PREP: variants seen among roughly 807,000 people sequenced by gnomAD.
PREP encodes the protein prolyl endopeptidase.
PREP carries 29 observed loss-of-function variants against 87.6 expected under a neutral mutation model. That is an observed-to-expected ratio of 0.33 (90% CI 0.25 to 0.45). PREP has a LOEUF of 0.45. Among genes scored for constraint, PREP ranks in the 20% least tolerant of loss-of-function variants. PREP has a pLI of 1.00. For synonymous variants in PREP, 337 were observed against 328.6 expected, an observed-to-expected ratio of 1.03 and a Z score of -0.28; for missense variants, 695 against 886.5, an observed-to-expected ratio of 0.78 and a Z score of 2.74.
At chr6:105,365,551 A>C (rs1772363945) in intron 6 of PREP, among the ~76,000 whole-genome samples, 1 of 152,196 alleles carries the variant, frequency 6.6e-6, no homozygotes, top group African/African-American at 2.4e-5. Context: ...TCTAGAGTTC[A>C]TGTTTAAGTG....
At chr6:105,349,331 G>T (rs1771880797) in intron 7 of PREP, among the ~76,000 whole-genome samples, 1 of 152,156 alleles carries the variant, frequency 6.6e-6, no homozygotes, top group South Asian at 2.1e-4. Context: ...AAGAACAGAA[G>T]TCCACACTTA....
chr6:105,372,223 AAAAG>A (rs1772578139), intron 5 of PREP, among the ~76,000 whole-genome samples: 1 of 151,964 alleles, frequency 6.6e-6, no homozygotes, highest in Non-Finnish European at 1.5e-5. Context: ...AAAAAAACAG[AAAAG>A]AAAGCAAGGA....
At chr6:105,341,290 G>A (rs1353601753) in intron 7 of PREP, among the ~76,000 whole-genome samples, 6 of 152,150 alleles carry the variant, frequency 3.9e-5, no homozygotes, top group African/African-American at 1.4e-4. Flanking sequence ...AATGACTACT[G>A]GGTACATAAC....
chr6:105,295,457 A>G (rs1770389480), intron 10 of PREP, among the ~76,000 whole-genome samples: 1 of 151,756 alleles, frequency 6.6e-6, no homozygotes, highest in African/African-American at 2.4e-5. Context: ...CTTATGTATC[A>G]CCCTGTCTGC....
chr6:105,352,778 A>G (rs1041225085), intron 7 of PREP, among the ~76,000 whole-genome samples, 194 bp downstream of exon 7: 5 of 152,226 alleles, frequency 3.3e-5, no homozygotes, highest in African/African-American at 1.2e-4. Context: ...ATCTACAGAG[A>G]AAATGCTAAA....
chr6:105,342,590 A>C (rs113054678), intron 7 of PREP, among the ~76,000 whole-genome samples: 115 of 152,338 alleles, frequency 7.5e-4, no homozygotes, highest in African/African-American at 2.6e-3. Flanking sequence ...AGAAAGTCAA[A>C]ATATCCCTGT....
intron 7 of PREP, among the ~76,000 whole-genome samples, chr6:105,348,878 C>CAAA (rs1300160085): frequency 1.1e-5 from 1 of 92,280 alleles, no homozygotes. Context: ...GATTCCGTCT[C>CAAA]AAAAAAAAAA....
At chr6:105,381,391 G>GGTT (rs1772833781) in intron 2 of PREP, among the ~76,000 whole-genome samples, 1 of 151,900 alleles carries the variant, frequency 6.6e-6, no homozygotes, top group South Asian at 2.1e-4. Flanking sequence ...GTATTTAACA[G>GGTT]GTATATCATC....
chr6:105,308,705 G>T (rs774419194), intron 10 of PREP, among the ~76,000 whole-genome samples: 90 of 151,916 alleles, frequency 5.9e-4, no homozygotes, highest in Non-Finnish European at 1.0e-3. Flanking sequence ...GCAACAACCA[G>T]ATCATTTCAG....
chr6:105,372,370 CTAA>C (rs1406243607), intron 5 of PREP, among the ~76,000 whole-genome samples: 10 of 152,334 alleles, frequency 6.6e-5, no homozygotes, highest in Non-Finnish European at 2.9e-5. Context: ...GCCCAAGCTC[CTAA>C]TCTCTAACAC....
chr6:105,308,659 TA>T (rs879267706), intron 10 of PREP, among the ~76,000 whole-genome samples: 272 of 143,288 alleles, frequency 1.9e-3, no homozygotes, highest in African/African-American at 3.7e-3. Flanking sequence ...ACAGAAATAT[TA>T]AAAAAAAAAA....
intron 7 of PREP, among the ~76,000 whole-genome samples, chr6:105,349,722 T>G (rs990609382): frequency 6.6e-6 from 1 of 151,744 alleles, no homozygotes; most frequent in African/African-American, 2.4e-5. Context: ...TCAAAAGAGG[T>G]ATAGATTTTA....
intron 5 of PREP, among the ~76,000 whole-genome samples, chr6:105,370,902 T>A (rs1035820916): frequency 1.3e-5 from 2 of 152,214 alleles, no homozygotes; most frequent in Non-Finnish European, 2.9e-5. Context: ...AAAGGATTTT[T>A]AGGGCCAGGG....
intron 2 of PREP, among the ~76,000 whole-genome samples, chr6:105,397,619 A>G (rs1405701785): frequency 6.8e-6 from 1 of 147,876 alleles, no homozygotes; most frequent in Non-Finnish European, 1.5e-5. Context: ...CAGTGTCACT[A>G]TGAACCATAA....
chr6:105,304,537 C>A (rs531105371), intron 10 of PREP, among the ~76,000 whole-genome samples: 11 of 152,168 alleles, frequency 7.2e-5, no homozygotes, highest in Non-Finnish European at 1.5e-4. Context: ...CCTCCCCCTC[C>A]TCTGGGGGCC....
intron 10 of PREP, among the ~76,000 whole-genome samples, chr6:105,303,218 C>T (rs191431433): frequency 6.6e-6 from 1 of 152,226 alleles, no homozygotes. Flanking sequence ...GCATGCACCA[C>T]CACATGCAGC....
intron 6 of PREP, among the ~76,000 whole-genome samples, chr6:105,363,397 T>TG (rs1426300262): frequency 6.6e-6 from 1 of 152,178 alleles, no homozygotes; most frequent in Non-Finnish European, 1.5e-5. Flanking sequence ...TGTGGGTTTT[T>TG]GGGTTTTTTT....
intron 7 of PREP, among the ~76,000 whole-genome samples, chr6:105,336,903 T>G (rs1346487823): frequency 1.3e-5 from 2 of 152,186 alleles, no homozygotes; most frequent in African/African-American, 4.8e-5. Context: ...TTTCACTAAT[T>G]ATCGCTTTGG....
At chr6:105,285,279 A>C (rs184415312) in intron 12 of PREP, among the ~76,000 whole-genome samples, 1 of 152,236 alleles carries the variant, frequency 6.6e-6, no homozygotes, top group Admixed American at 6.5e-5. Flanking sequence ...TCATCTATTT[A>C]TTATAACAAA....
Sources: allele counts gnomAD v4.1 joint callset (sites outside exome capture counted in the v4.1 genomes callset), GRCh38; gene constraint gnomAD v4.1.1; transcripts MANE v1.5; gene names NCBI Gene and HGNC (gene_info 2026-07-23, HGNC 2026-07-21).